The following ZFC3H1 variants were observed in gnomAD, a reference collection of about 807,000 sequenced individuals.
The protein encoded by ZFC3H1 is zinc finger C3H1 domain-containing protein.
A neutral mutation model predicts 243.7 loss-of-function variants in ZFC3H1; 71 were observed. That is an observed-to-expected ratio of 0.29 (90% CI 0.24 to 0.36). The LOEUF is 0.36. ZFC3H1 is among the 10% of genes least tolerant of loss of function. The pLI is 1.00. For synonymous variants in ZFC3H1, 838 were observed against 813.0 expected (o/e 1.03, Z -0.52); for missense variants, 1,966 against 2,317.1 (o/e 0.85, Z 3.11).
Position 71,644,257 on chromosome 12 carries a change from C to A in ZFC3H1, c.1341G>T (p.Glu447Asp). ...GATCCTCTTCTTTCTGTCTTTCCTG[C>A]TCTTTTTGTTGTTGTAGTTTCTTCC... ...KAWKKLQQQK[E>D]QERQKEEDQR... is the part of the protein sequence containing the mutation. The change falls in exon 5 of 35, where the codon GAG becomes GAT. Residue 447 changes from glutamate to aspartate, a missense_variant. Glu to Asp is a conservative substitution (Grantham distance 45, BLOSUM62 2). Transcript: ENST00000378743. The A allele has an allele frequency of 6.2e-7, 1 of 1,612,976 alleles. No homozygotes were observed. Among genetic ancestry groups the A allele is most frequent in the Non-Finnish European group, 8.5e-7 (1 of 1,179,414 alleles).
At chr12:71,644,751 G>T in intron 4 of ZFC3H1, 126 bp downstream of exon 4, 1 of 1,076,960 alleles carries the variant, frequency 9.3e-7, no homozygotes, top group Non-Finnish European at 1.3e-6. Context: ...CTGGGAGGTG[G>T]AGGTTGCAGT....
chr12:71,632,583 T>G lies in ZFC3H1; in HGVS notation c.2818-69A>C. On this transcript the variant is annotated intron_variant, in intron 14 of 34. Transcript: ENST00000378743. ...TTATAAACAATTTTTGGTAAGATAA[T>G]TGTGCTATCCCCACCATACAATGCC... is the stretch of plus-strand genomic sequence containing the variant. The G allele has an allele frequency of 3.4e-6, 5 of 1,480,252 alleles. No homozygotes were observed. In the South Asian group the frequency reaches 6.9e-5, roughly 21 times the overall value. The allele number at this position is 1,480,252 out of a possible 1,614,324, so 91.7% of individuals were successfully genotyped here. A position where few individuals can be genotyped will look rare whatever the true frequency, so the allele number is the denominator to read the frequency against.
chr12:71,641,429 G>C (rs1301747523), intron 6 of ZFC3H1, among the ~76,000 whole-genome samples: 2 of 152,162 alleles, frequency 1.3e-5, no homozygotes, highest in African/African-American at 4.8e-5. Flanking sequence ...GTGACTATAG[G>C]GAGAAATACA....
intron 2 of ZFC3H1, among the ~76,000 whole-genome samples, chr12:71,653,530 C>T (rs1331184543): frequency 1.3e-5 from 2 of 152,188 alleles, no homozygotes; most frequent in Non-Finnish European, 2.9e-5. Context: ...CAAGAAACAA[C>T]AAATTCCAAG....
intron 23 of ZFC3H1, 50 bp from the exon 24 acceptor site, chr12:71,623,647 C>A: frequency 7.6e-7 from 1 of 1,307,424 alleles, no homozygotes; most frequent in South Asian, 1.4e-5. Context: ...ATGTCAGTAC[C>A]AGATTAACAT....
chr12:71,627,595 T>C (rs989552863), intron 21 of ZFC3H1, among the ~76,000 whole-genome samples, 156 bp downstream of exon 21: 13 of 152,192 alleles, frequency 8.5e-5, no homozygotes, highest in African/African-American at 2.9e-4. Context: ...ACTTGTCTAA[T>C]AGCTTTTAAA....
intron 6 of ZFC3H1, among the ~76,000 whole-genome samples, chr12:71,639,178 G>A (rs1880539943): frequency 6.6e-6 from 1 of 152,156 alleles, no homozygotes; most frequent in African/African-American, 2.4e-5. Context: ...CTGAAATACA[G>A]CAGTTTCAAA....
In ZFC3H1 at chr12:71,634,426, C is replaced by G. The variant is rs145924731; in HGVS notation, c.2361-122G>C. On this transcript the variant is annotated intron_variant, in intron 11 of 34. Coordinates refer to ENST00000378743, the MANE Select transcript of ZFC3H1 (RefSeq NM_144982.5). ...CACCGACTAATAATAAAGATGATGACCAATATGCAAGACCCAAGTCAGCAT... is the reference window on the plus strand; with the variant it reads ...CACCGACTAATAATAAAGATGATGAGCAATATGCAAGACCCAAGTCAGCAT... 44 of 1,221,184 alleles carry G rather than the reference C, an allele frequency of 3.6e-5. No individual in the cohort carries two copies. The African/African-American group carries it at 6.3e-4, about 17-fold the overall frequency. The allele number at this position is 1,221,184 out of a possible 1,614,324, so 75.6% of individuals were successfully genotyped here. A position where few individuals can be genotyped will look rare whatever the true frequency, so the allele number is the denominator to read the frequency against.
Position 71,634,805 on chromosome 12 carries a change from T to C in ZFC3H1, c.2259A>G (p.Val753=). The change falls in exon 11 of 35, where the codon GTA becomes GTG. Residue 753 remains valine, a synonymous_variant. Coordinates refer to ENST00000378743, the MANE Select transcript of ZFC3H1 (RefSeq NM_144982.5). ...RTAEQASKPK[V]PPKSEKENDP... is the part of the protein sequence containing the mutation. ...CATTTTCTTTTTCAGATTTTGGAGG[T>C]ACTTTCGGTTTTGAAGCTTGCTAAA... 1.3e-6 allele frequency: 2 copies of C among 1,592,444 alleles called. No homozygotes were observed. The highest frequency in any genetic ancestry group is 1.7e-6 in the Non-Finnish European group (2 of 1,173,248).
At chr12:71,616,446 C>G (rs1419626150) in intron 27 of ZFC3H1, among the ~76,000 whole-genome samples, 2 of 152,096 alleles carry the variant, frequency 1.3e-5, no homozygotes. Flanking sequence ...GTCAAAAGAT[C>G]TATGATCAAA....
intron 21 of ZFC3H1, 55 bp downstream of exon 21, chr12:71,627,695 CA>C: frequency 6.6e-7 from 1 of 1,521,842 alleles, no homozygotes; most frequent in Non-Finnish European, 8.9e-7. Context: ...AAAAAAACCT[CA>C]AACATAAAAA....
Position 71,611,105 on chromosome 12 carries a change from A to AAG in ZFC3H1, c.5730-9_5730-8insCT. The AAG allele has an allele frequency of 1.6e-6, 1 of 643,388 alleles. No individual in the cohort carries two copies. Among genetic ancestry groups the AAG allele is most frequent in the Non-Finnish European group, 2.0e-6 (1 of 500,826 alleles). 39.9% of individuals were successfully genotyped at this position (643,388 alleles called of 1,614,324 possible). On this transcript the variant is annotated splice_polypyrimidine_tract_variant and intron_variant, in intron 32 of 34. Transcript: ENST00000378743. ...ATCTCAGCAGCAATGGCTCTAAGAG[A>AAG]AAAAAAAAAAAAAAGAAATATAGAA... is the stretch of plus-strand genomic sequence containing the variant.
Position 71,659,416 on chromosome 12 carries a change from TTGTC to T in ZFC3H1, c.599-2119_599-2116del, listed in dbSNP as rs1881106586. Among the ~76,000 whole-genome samples the T allele has an allele frequency of 2.0e-5, 3 of 152,182 alleles. No individual in the cohort carries two copies. In the South Asian group the frequency reaches 6.2e-4, roughly 32 times the overall value. ...TTTTTGCATAGCTTTGTGTCTAAGT[TTGTC>T]TGTTCTTCAACTTAACCCCAATTCA... On this transcript the variant is annotated intron_variant, in intron 1 of 34. Coordinates refer to ENST00000378743, the MANE Select transcript of ZFC3H1 (RefSeq NM_144982.5).
chr12:71,651,804 C>T (rs1002509974), intron 2 of ZFC3H1, among the ~76,000 whole-genome samples: 1 of 152,012 alleles, frequency 6.6e-6, no homozygotes, highest in East Asian at 1.9e-4. Context: ...TTAAGAACAC[C>T]CTAAGGAGAC....
intron 5 of ZFC3H1, among the ~76,000 whole-genome samples, chr12:71,643,274 A>C (rs1342551113): frequency 6.6e-6 from 1 of 152,018 alleles, no homozygotes; most frequent in East Asian, 1.9e-4. Context: ...TTAGCCAGGC[A>C]TGGTGGTGGG....
At chr12:71,634,406 A>T in intron 11 of ZFC3H1, 102 bp from the exon 12 acceptor site, 1 of 1,325,026 alleles carries the variant, frequency 7.5e-7, no homozygotes. Context: ...AATCACACCG[A>T]CTAATAATAA....
Position 71,628,795 on chromosome 12 carries a change from G to A in ZFC3H1, c.3946+123C>T, listed in dbSNP as rs541247195. The stretch of plus-strand genomic sequence containing the variant: ...TATTGTCTAAAAACCCAATGGCATC[G>A]TTTTTAAAAAAAATTTTTTTTTAAC... On this transcript the variant is annotated intron_variant, in intron 20 of 34. Transcript: ENST00000378743. 2.8e-5 allele frequency: 30 copies of A among 1,055,470 alleles called. No homozygotes were observed. The East Asian group carries it at 6.2e-4, about 22-fold the overall frequency. 65.4% of individuals were successfully genotyped at this position (1,055,470 alleles called of 1,614,324 possible).
rs763909929 is a variant in ZFC3H1 at position 71,663,438 on chromosome 12, G to A, written c.173C>T (p.Pro58Leu). Reference protein sequence around the residue: ...GLLPYPRRRPPHSARGGGSGG... With the variant: ...GLLPYPRRRPLHSARGGGSGG... ...AGATCCACCGCCCCGGGCCGAGTGA[G>A]GAGGCCTTCGCCGCGGATAGGGTAA... The change falls in exon 1 of 35, where the codon CCT (proline) becomes CTT (leucine). Residue 58 changes from proline to leucine, a missense_variant. Coordinates refer to ENST00000378743, the MANE Select transcript of ZFC3H1 (RefSeq NM_144982.5). 5 of 1,611,866 alleles carry A rather than the reference G, an allele frequency of 3.1e-6. No homozygotes were observed. Among genetic ancestry groups the A allele is most frequent in the Non-Finnish European group, 4.2e-6 (5 of 1,180,036 alleles).
Position 71,663,002 on chromosome 12 carries a change from G to A in ZFC3H1, c.598+11C>T. ...TGACACACCCAGCGCCGACCGCCAC[G>A]TTAAGGATACAGCTCTTCCGAGGTG... is the stretch of plus-strand genomic sequence containing the variant. On this transcript the variant is annotated intron_variant, in intron 1 of 34. Transcript: ENST00000378743. The A allele has an allele frequency of 1.9e-6, 3 of 1,582,922 alleles. No individual in the cohort carries two copies. The highest frequency in any genetic ancestry group is 2.6e-6 in the Non-Finnish European group (3 of 1,164,548).
Sources: gnomAD v4.1 joint callset for allele counts (sites outside exome capture counted in the v4.1 genomes callset) on GRCh38, gnomAD v4.1.1 for gene constraint, MANE v1.5 for transcripts, NCBI Gene and HGNC (gene_info 2026-07-23, HGNC 2026-07-21) for gene names.